RHOH: variants seen among roughly 807,000 people sequenced by gnomAD.
RHOH encodes ras homolog family member H.
A neutral mutation model predicts 13.8 loss-of-function variants in RHOH; 6 were observed. The ratio of observed to expected loss-of-function variants is 0.44; its 90% CI spans 0.24 to 0.86. RHOH has a LOEUF of 0.86. Ranked by LOEUF, RHOH falls within the 40% of genes least tolerant of loss-of-function variation. The probability of loss-of-function intolerance (pLI) is 0.24; values close to 1 mark genes in which losing one functional copy is unlikely to be tolerated. For synonymous variants in RHOH, 117 were observed against 103.0 expected (o/e 1.14, Z -0.82); for missense variants, 147 against 244.5 (o/e 0.60, Z 2.66).
At chr4:40,211,501 C>T (rs1396412243) in intron 1 of RHOH, among the ~76,000 whole-genome samples, 10 of 151,974 alleles carry the variant, frequency 6.6e-5, no homozygotes, top group East Asian at 3.9e-4. Context: ...CTTGAACTCC[C>T]GGCCTCAAGT....
Position 40,243,454 on chromosome 4 carries a change from G to A in RHOH, c.68G>A (p.Arg23His), listed in dbSNP as rs1159450772. Reference sequence around the variant, plus strand: ...GTGGGGAAAACCTCTCTGTTGGTGCGCTTCACCTCCGAGACCTTCCCGGAG... The same window carrying A: ...GTGGGGAAAACCTCTCTGTTGGTGCACTTCACCTCCGAGACCTTCCCGGAG... ...SAVGKTSLLV[R>H]FTSETFPEAY... Residue 23 changes from arginine (R) to histidine (H), a missense_variant, in exon 3 of 3, where the codon CGC becomes CAC. This residue lies in a region of RHOH where 80 missense variants were observed against 152.0 expected (regional missense o/e 0.53). Transcript: ENST00000381799. The surrounding 1 kb of genome is among the most constrained non-coding windows in gnomAD (Gnocchi z 6.2). The A allele has an allele frequency of 2.5e-6, 4 of 1,613,616 alleles. No homozygotes were observed. The highest frequency in any genetic ancestry group is 3.4e-6 in the Non-Finnish European group (4 of 1,179,828).
chr4:40,210,089 CGTGTGTGTGT>C (rs5857717), intron 1 of RHOH, among the ~76,000 whole-genome samples: 11 of 145,556 alleles, frequency 7.6e-5, no homozygotes, highest in African/African-American at 2.5e-4. Flanking sequence ...ACATTGTGTG[CGTGTGTGTGT>C]GTGTGTGTGT....
chr4:40,219,389 G>A (rs982727189), intron 1 of RHOH, among the ~76,000 whole-genome samples: 5 of 148,478 alleles, frequency 3.4e-5, no homozygotes, highest in African/African-American at 1.3e-4. Context: ...TCCAGCTTGG[G>A]GACAGAGTGA....
chr4:40,229,669 A>T (rs1727673517), intron 1 of RHOH, among the ~76,000 whole-genome samples: 1 of 151,816 alleles, frequency 6.6e-6, no homozygotes, highest in South Asian at 2.1e-4. Context: ...AGAAAACAAA[A>T]GCCCCCACGC....
rs928580060 is a variant in RHOH, at chr4:40,204,988, C to T, written c.-331+7688C>T. 3.9e-5 allele frequency among the ~76,000 whole-genome samples: 6 copies of T among 151,944 alleles called. No homozygotes were observed. The East Asian group carries it at 9.7e-4, about 24-fold the overall frequency. On this transcript the variant is annotated intron_variant, in intron 1 of 2. Transcript: ENST00000381799. ...CACAAGAAATGCAGGCAGGGCCGGG[C>T]GAGGTGGCTCACACTTGTAATCCCA...
chr4:40,242,977 GTGTGTGTGTGTGTGT>G, intron 2 of RHOH, 143 bp downstream of exon 2: 1 of 183,644 alleles, frequency 5.4e-6, no homozygotes. Flanking sequence ...GTGTGTGTGT[GTGTGTGTGTGTGTGT>G]GTGTTGGGGG....
rs528362508 is a variant in RHOH at position 40,243,311 on chromosome 4, C to T, written c.-76C>T. ...GGCTTGCATTCCCCTTGCTGAATGG[C>T]GTGTGCTGCAGCTGCCCACTGAGGG... On this transcript the variant is annotated 5_prime_UTR_variant, in exon 3 of 3. Coordinates refer to ENST00000381799, the MANE Select transcript of RHOH (RefSeq NM_004310.5). The surrounding 1 kb of genome is among the most constrained non-coding windows in gnomAD (Gnocchi z 6.2). The T allele has an allele frequency of 1.1e-5, 15 of 1,307,598 alleles. No individual in the cohort carries two copies. The highest frequency in any genetic ancestry group is 7.0e-5 in the East Asian group (3 of 42,720). The allele number at this position is 1,307,598 out of a possible 1,614,324, so 81.0% of individuals were successfully genotyped here.
At chr4:40,207,484 C>T (rs1001040481) in intron 1 of RHOH, among the ~76,000 whole-genome samples, 5 of 152,038 alleles carry the variant, frequency 3.3e-5, no homozygotes, top group Admixed American at 6.5e-5. Flanking sequence ...GGATGGTTTT[C>T]AGGATGCAGC....
chr4:40,234,807 A>C (rs921006854), intron 1 of RHOH, among the ~76,000 whole-genome samples: 3 of 130,412 alleles, frequency 2.3e-5, no homozygotes, highest in Admixed American at 9.2e-5. Context: ...CCAGGCTGGC[A>C]TTGAACTCCT....
chr4:40,208,719 G>T (rs912586472), intron 1 of RHOH, among the ~76,000 whole-genome samples: 1 of 152,080 alleles, frequency 6.6e-6, no homozygotes, highest in South Asian at 2.1e-4. Context: ...AGACAACAAC[G>T]CAAGGTGTTT....
chr4:40,201,928 C>A (rs1407029129), intron 1 of RHOH, among the ~76,000 whole-genome samples: 1 of 148,274 alleles, frequency 6.7e-6, no homozygotes, highest in Non-Finnish European at 1.5e-5. Flanking sequence ...GGAGTTCTGG[C>A]AACATTAACT....
At chr4:40,212,544 T>C (rs1280474295) in intron 1 of RHOH, 1 of 152,156 alleles carries the variant, frequency 6.6e-6, no homozygotes, top group African/African-American at 2.4e-5. Context: ...CTTTTGTATA[T>C]AGGTGATTTT....
At chr4:40,222,908 T>C (rs1167135133) in intron 1 of RHOH, among the ~76,000 whole-genome samples, 2 of 152,196 alleles carry the variant, frequency 1.3e-5, no homozygotes, top group Non-Finnish European at 2.9e-5. Flanking sequence ...AATAGCAACA[T>C]TAACTGGAGT....
At chr4:40,224,626 T>C (rs1414769091) in intron 1 of RHOH, among the ~76,000 whole-genome samples, 1 of 152,240 alleles carries the variant, frequency 6.6e-6, no homozygotes, top group Admixed American at 6.5e-5. Flanking sequence ...GAGTAAGTTC[T>C]TAATGGTGTG....
intron 1 of RHOH, among the ~76,000 whole-genome samples, chr4:40,223,838 TCTTGGCTCA>T (rs1726909464): frequency 6.8e-6 from 1 of 147,450 alleles, no homozygotes; most frequent in Non-Finnish European, 1.5e-5. Flanking sequence ...AATGGCACGA[TCTTGGCTCA>T]CTGCAACTTC....
chr4:40,205,701 A>G (rs1724564139), intron 1 of RHOH: 1 of 152,192 alleles, frequency 6.6e-6, no homozygotes, highest in Non-Finnish European at 1.5e-5. Flanking sequence ...AGCCAACCCT[A>G]CTGGAAGTGG....
intron 1 of RHOH, among the ~76,000 whole-genome samples, chr4:40,214,079 T>C (rs1180947020): frequency 6.6e-6 from 1 of 152,146 alleles, no homozygotes; most frequent in African/African-American, 2.4e-5. Context: ...TTTAAAAGCT[T>C]AAATGCATGA....
chr4:40,210,093 T>C lies in RHOH; in HGVS notation c.-331+12793T>C, dbSNP rs550385700. ...TATTCCTGATTACATTGTGTGCGTG[T>C]GTGTGTGTGTGTGTGTGTGTGTGTG... On this transcript the variant is annotated intron_variant, in intron 1 of 2. Coordinates refer to ENST00000381799, the MANE Select transcript of RHOH (RefSeq NM_004310.5). 2.8e-4 allele frequency among the ~76,000 whole-genome samples: 38 copies of C among 133,662 alleles called. No homozygotes were observed. In the South Asian group the frequency reaches 6.8e-3, roughly 24 times the overall value. The allele number at this position is 133,662 out of a possible 152,430, so 87.7% of individuals were successfully genotyped here. A position where few individuals can be genotyped will look rare whatever the true frequency, so the allele number is the denominator to read the frequency against.
chr4:40,214,606 A>G (rs1725662691), intron 1 of RHOH, among the ~76,000 whole-genome samples: 1 of 152,206 alleles, frequency 6.6e-6, no homozygotes. Context: ...CCTCTGGAGA[A>G]GTTGGATTCA....
Sources: allele counts gnomAD v4.1 joint callset (sites outside exome capture counted in the v4.1 genomes callset), GRCh38; gene constraint gnomAD v4.1.1; regional missense constraint gnomAD v4.1.1; non-coding constraint Gnocchi (gnomAD v3.1); transcripts MANE v1.5; gene names NCBI Gene and HGNC (gene_info 2026-07-23, HGNC 2026-07-21).